Variants in HYCC2 observed in about 807,000 individuals in gnomAD.
HYCC2 encodes hyccin 2.
At chr2:201,039,678 A>T in the HYCC2 span, among the ~76,000 whole-genome samples, 1 of 152,324 alleles carries the variant, frequency 6.6e-6, no homozygotes, top group South Asian at 2.1e-4. Context: ...ACACAAATCC[A>T]ATTAATATTT....
At chr2:201,019,927 A>C in the HYCC2 span, among the ~76,000 whole-genome samples, 1 of 151,904 alleles carries the variant, frequency 6.6e-6, no homozygotes, top group South Asian at 2.1e-4. Flanking sequence ...GTCTTTAGAA[A>C]ATAAAAAATA....
At chr2:200,992,807 C>A in the HYCC2 span, 1 of 878,322 alleles carries the variant, frequency 1.1e-6, no homozygotes, top group South Asian at 1.5e-5. Flanking sequence ...AGTATTGTGT[C>A]GGATAAGGAA....
At chr2:201,034,878 T>C in the HYCC2 span, among the ~76,000 whole-genome samples, 1 of 152,198 alleles carries the variant, frequency 6.6e-6, no homozygotes, top group Admixed American at 6.5e-5. Flanking sequence ...TTTGGCTGGA[T>C]ATGAAATTCT....
At chr2:201,070,820 A>G in the HYCC2 span, among the ~76,000 whole-genome samples, 5 of 152,102 alleles carry the variant, frequency 3.3e-5, no homozygotes, top group African/African-American at 1.2e-4. Flanking sequence ...AGGATTCCCC[A>G]CTTTTCTGAA....
the HYCC2 span, among the ~76,000 whole-genome samples, chr2:201,062,858 T>C: frequency 6.8e-6 from 1 of 148,116 alleles, no homozygotes; most frequent in Non-Finnish European, 1.5e-5. Context: ...ATTAGATTTA[T>C]ATATATAATA....
At chr2:201,068,321 A>T in the HYCC2 span, among the ~76,000 whole-genome samples, 2 of 152,238 alleles carry the variant, frequency 1.3e-5, no homozygotes, top group East Asian at 3.9e-4. Context: ...CCTAGCTATG[A>T]CATGAAATGG....
chr2:201,059,835 CA>C, the HYCC2 span, among the ~76,000 whole-genome samples: 1 of 152,068 alleles, frequency 6.6e-6, no homozygotes, highest in South Asian at 2.1e-4. Flanking sequence ...CACCTGAGGT[CA>C]AAAGTTGAAG....
At chr2:200,975,394 T>C in the HYCC2 span, 1 of 152,138 alleles carries the variant, frequency 6.6e-6, no homozygotes, top group South Asian at 2.1e-4. Context: ...GCAAACCATA[T>C]TGATATCAAT....
the HYCC2 span, among the ~76,000 whole-genome samples, chr2:201,057,258 G>A: frequency 6.6e-6 from 1 of 152,142 alleles, no homozygotes; most frequent in Non-Finnish European, 1.5e-5. Flanking sequence ...AGGGAACAAG[G>A]GAGGACTATA....
At chr2:201,061,846 C>T in the HYCC2 span, among the ~76,000 whole-genome samples, 2 of 152,122 alleles carry the variant, frequency 1.3e-5, no homozygotes, top group Non-Finnish European at 2.9e-5. Flanking sequence ...TGGCTTACAC[C>T]TGTAATCACA....
the HYCC2 span, among the ~76,000 whole-genome samples, chr2:201,006,121 C>T: frequency 1.4e-5 from 2 of 144,246 alleles, no homozygotes; most frequent in Non-Finnish European, 3.0e-5. Context: ...CGTGAGCTAT[C>T]GCGCCTGGCT....
the HYCC2 span, among the ~76,000 whole-genome samples, chr2:201,018,983 G>A: frequency 6.6e-6 from 1 of 152,170 alleles, no homozygotes; most frequent in Admixed American, 6.6e-5. Context: ...TCTTATATTA[G>A]AATGGAGGTA....
the HYCC2 span, among the ~76,000 whole-genome samples, chr2:201,016,750 C>A: frequency 6.6e-6 from 1 of 151,900 alleles, no homozygotes; most frequent in Non-Finnish European, 1.5e-5. Context: ...CAGGAACACA[C>A]CACCATGCTC....
chr2:201,009,337 A>G, the HYCC2 span: 3 of 309,834 alleles, frequency 9.7e-6, no homozygotes, highest in Non-Finnish European at 1.8e-5. Flanking sequence ...ATCTATATTT[A>G]AGAGAGTATG....
At chr2:200,985,639 C>T in the HYCC2 span, among the ~76,000 whole-genome samples, 30 of 151,926 alleles carry the variant, frequency 2.0e-4, no homozygotes, top group African/African-American at 2.9e-4. Flanking sequence ...CTTGCCTGGG[C>T]GACGTGAGTG....
the HYCC2 span, among the ~76,000 whole-genome samples, chr2:201,069,971 A>T: frequency 6.6e-6 from 1 of 152,222 alleles, no homozygotes; most frequent in Non-Finnish European, 1.5e-5. Context: ...AATTTAGGAA[A>T]ATTGTAGAGT....
chr2:201,048,737 C>A, the HYCC2 span, among the ~76,000 whole-genome samples: 1 of 151,906 alleles, frequency 6.6e-6, no homozygotes, highest in African/African-American at 2.4e-5. Context: ...GAATTTATGG[C>A]AAGGATGATT....
the HYCC2 span, chr2:201,063,995 G>A: frequency 6.3e-7 from 1 of 1,597,668 alleles, no homozygotes; most frequent in Admixed American, 1.7e-5. Context: ...ACGAAACTAA[G>A]GTGGCTATGG....
the HYCC2 span, among the ~76,000 whole-genome samples, chr2:201,071,253 T>G: frequency 6.6e-6 from 1 of 152,110 alleles, no homozygotes; most frequent in African/African-American, 2.4e-5. Context: ...TTCAATGCCG[T>G]GTCCTTTTCT....
Sources: gnomAD v4.1 joint callset for allele counts (sites outside exome capture counted in the v4.1 genomes callset) on GRCh38, gnomAD v4.1.1 for gene constraint, MANE v1.5 for transcripts, NCBI Gene and HGNC (gene_info 2026-07-23, HGNC 2026-07-21) for gene names.